The following IL1RAP variants were observed in gnomAD, a reference collection of about 807,000 sequenced individuals.
The protein encoded by IL1RAP is interleukin-1 receptor accessory protein.
In IL1RAP, 35 loss-of-function variants were observed where a neutral mutation model predicts 60.7. The observed-to-expected ratio is 0.58, with a 90% CI of 0.44 to 0.76. The LOEUF is 0.76. IL1RAP is among the 30% of genes least tolerant of loss of function. The pLI is 0.00. For synonymous variants in IL1RAP, 268 were observed against 250.9 expected (o/e 1.07, Z -0.64); for missense variants, 572 against 693.9 (o/e 0.82, Z 1.97).
Position 190,648,762 on chromosome 3 carries a change from C to A in IL1RAP, c.*57C>A. On this transcript the variant is annotated 3_prime_UTR_variant, in exon 12 of 12. Transcript: ENST00000447382. Reference sequence around the variant, plus strand: ...GGGTGCTCCAGGAAGAAAGAGTCCCCCCAGTCTTCATTCGCAGTTTATGGT... The same window carrying A: ...GGGTGCTCCAGGAAGAAAGAGTCCCACCAGTCTTCATTCGCAGTTTATGGT... 6.5e-7 allele frequency: 1 copy of A among 1,536,474 alleles called. No homozygotes were observed. The highest frequency in any genetic ancestry group is 2.3e-5 in the East Asian group (1 of 44,298).
In IL1RAP at chr3:190,624,171, T is replaced by C. The variant is rs532899006; in HGVS notation, c.775+756T>C. On this transcript the variant is annotated intron_variant, in intron 7 of 11. Transcript: ENST00000447382. ...TAGCAATCCAGGAATATGAGTGCTA[T>C]GGCATCCCATGCGGGAACCATAGCC... is the stretch of plus-strand genomic sequence containing the variant. 3.3e-5 allele frequency among the ~76,000 whole-genome samples: 5 copies of C among 152,346 alleles called. No homozygotes were observed. The East Asian group carries it at 7.7e-4, about 24-fold the overall frequency.
chr3:190,547,043 A>G (rs938723378), intron 1 of IL1RAP, among the ~76,000 whole-genome samples: 6 of 152,166 alleles, frequency 3.9e-5, no homozygotes, highest in African/African-American at 1.4e-4. Context: ...GCACTGCTTG[A>G]GCACCTCTCT....
rs1392170717 is a variant in IL1RAP at position 190,532,333 on chromosome 3, G to A, written c.-89+18114G>A. Among the ~76,000 whole-genome samples the A allele has an allele frequency of 2.7e-5, 4 of 150,346 alleles. No homozygotes were observed. The East Asian group carries it at 7.8e-4, about 29-fold the overall frequency. ...GCTGGAGTGCAGTGGCACCATCTCG[G>A]CTCACTGCAAGCTTCGCCTCCTGGG... On this transcript the variant is annotated intron_variant, in intron 1 of 11. Coordinates refer to ENST00000447382, the MANE Select transcript of IL1RAP (RefSeq NM_002182.4).
At chr3:190,546,973 A>G (rs909462836) in intron 1 of IL1RAP, among the ~76,000 whole-genome samples, 2 of 152,202 alleles carry the variant, frequency 1.3e-5, no homozygotes, top group Non-Finnish European at 2.9e-5. Flanking sequence ...ATATGTTTTT[A>G]GTATACGTTC....
chr3:190,638,380 C>G (rs1307914728), intron 9 of IL1RAP, among the ~76,000 whole-genome samples: 1 of 152,108 alleles, frequency 6.6e-6, no homozygotes, highest in Admixed American at 6.6e-5. Flanking sequence ...TGAGCACTTA[C>G]ACCTCATGTG....
intron 9 of IL1RAP, among the ~76,000 whole-genome samples, chr3:190,633,092 G>A (rs112042661): frequency 0.18 from 26,628 of 150,534 alleles, 2,658 homozygotes; most frequent in African/African-American, 0.26. Context: ...ATTTTTTTTC[G>A]TATAGATCAT....
chr3:190,534,179 C>CTGCAGCTAA (rs1723230702), intron 1 of IL1RAP, among the ~76,000 whole-genome samples: 2 of 151,796 alleles, frequency 1.3e-5, no homozygotes, highest in South Asian at 4.2e-4. Context: ...TGGGTCCTAC[C>CTGCAGCTAA]GATCGGTGCT....
downstream of IL1RAP, chr3:190,656,451 G>C: frequency 6.5e-7 from 1 of 1,537,222 alleles, no homozygotes; most frequent in Non-Finnish European, 8.7e-7. Flanking sequence ...ACCAGCCCCA[G>C]TGGGAGACAC....
intron 2 of IL1RAP, among the ~76,000 whole-genome samples, chr3:190,558,098 A>G (rs1725578448): frequency 6.6e-6 from 1 of 152,216 alleles, no homozygotes; most frequent in African/African-American, 2.4e-5. Flanking sequence ...CCAAGTTATT[A>G]TATCAACATA....
intron 3 of IL1RAP, among the ~76,000 whole-genome samples, chr3:190,565,034 C>T (rs539127891): frequency 6.6e-6 from 1 of 152,222 alleles, no homozygotes; most frequent in South Asian, 2.1e-4. Flanking sequence ...TACATTTCAG[C>T]CTATGTTTTT....
chr3:190,558,835 A>G (rs191762140), intron 2 of IL1RAP, among the ~76,000 whole-genome samples: 42 of 152,336 alleles, frequency 2.8e-4, no homozygotes, highest in African/African-American at 1.0e-3. Context: ...CAGTTCATGA[A>G]TATGGTATGT....
intron 1 of IL1RAP, among the ~76,000 whole-genome samples, chr3:190,549,525 A>G (rs1724676293): frequency 6.6e-6 from 1 of 152,210 alleles, no homozygotes; most frequent in Non-Finnish European, 1.5e-5. Context: ...GATGGCCTGA[A>G]TGTGAGAAGA....
chr3:190,537,981 G>A (rs188259004), intron 1 of IL1RAP, among the ~76,000 whole-genome samples: 1 of 151,820 alleles, frequency 6.6e-6, no homozygotes, highest in East Asian at 1.9e-4. Context: ...TTTGCTTTTT[G>A]GAATACCTTC....
intron 3 of IL1RAP, among the ~76,000 whole-genome samples, chr3:190,591,814 A>C (rs3773958): frequency 0.17 from 26,008 of 151,960 alleles, 2,809 homozygotes; most frequent in East Asian, 0.45. Flanking sequence ...AGGGAAAAAA[A>C]CCCCCACAAA....
At chr3:190,586,705 C>T (rs146524629) in intron 3 of IL1RAP, among the ~76,000 whole-genome samples, 607 of 152,294 alleles carry the variant, frequency 4.0e-3, no homozygotes, top group Non-Finnish European at 6.5e-3. Flanking sequence ...AAGACAGAGG[C>T]AGCTAATGCC....
At chr3:190,597,254 C>A (rs889423382) in intron 3 of IL1RAP, among the ~76,000 whole-genome samples, 9 of 152,154 alleles carry the variant, frequency 5.9e-5, no homozygotes, top group African/African-American at 2.2e-4. Flanking sequence ...ATGTAAGGAA[C>A]AAATGCTTTT....
At chr3:190,614,883 G>A in intron 5 of IL1RAP, among the ~76,000 whole-genome samples, 1 of 152,116 alleles carries the variant, frequency 6.6e-6, no homozygotes, top group South Asian at 2.1e-4. Flanking sequence ...ACATACTGGG[G>A]TGTGGACTGG....
chr3:190,564,871 T>C (rs1221348479), intron 3 of IL1RAP, among the ~76,000 whole-genome samples: 1 of 152,166 alleles, frequency 6.6e-6, no homozygotes, highest in African/African-American at 2.4e-5. Flanking sequence ...AAGACCTTTA[T>C]AGAGTTTGAA....
chr3:190,615,061 C>CTT (rs3836445), intron 5 of IL1RAP, among the ~76,000 whole-genome samples: 126 of 149,418 alleles, frequency 8.4e-4, no homozygotes, highest in Non-Finnish European at 6.1e-4. Context: ...TCTTTCTCCT[C>CTT]TTTTTTTTTT....
Sources: allele counts gnomAD v4.1 joint callset (sites outside exome capture counted in the v4.1 genomes callset), GRCh38; gene constraint gnomAD v4.1.1; transcripts MANE v1.5; gene names NCBI Gene and HGNC (gene_info 2026-07-23, HGNC 2026-07-21).